The following SLC39A11 variants were observed in gnomAD, a reference collection of about 807,000 sequenced individuals.
The protein encoded by SLC39A11 is zinc transporter ZIP11.
Under a neutral mutation model 36.1 loss-of-function variants are expected in SLC39A11, and 33 were observed. The observed-to-expected ratio is 0.91, with a 90% CI of 0.69 to 1.22. The LOEUF (loss-of-function observed/expected upper bound fraction) is 1.22. Ranked by LOEUF, SLC39A11 falls within the 50% of genes most tolerant of loss-of-function variation. SLC39A11 has a pLI of 0.00. For synonymous variants in SLC39A11, 166 were observed against 170.3 expected, an observed-to-expected ratio of 0.97 and a Z score of 0.20; for missense variants, 432 against 430.3, an observed-to-expected ratio of 1.00 and a Z score of -0.03.
intron 5 of SLC39A11, among the ~76,000 whole-genome samples, chr17:72,917,832 C>A (rs147524204): frequency 0.011 from 1,662 of 152,346 alleles, 28 homozygotes; most frequent in African/African-American, 0.034. Context: ...AGAAGACATT[C>A]TTGAGCTGAT....
chr17:73,046,364 C>T (rs745588131), intron 3 of SLC39A11, among the ~76,000 whole-genome samples: 1 of 152,068 alleles, frequency 6.6e-6, no homozygotes, highest in Non-Finnish European at 1.5e-5. Flanking sequence ...GTCTCCCATG[C>T]GTATGGTGGC....
chr17:72,991,180 T>C (rs892561799), intron 4 of SLC39A11, among the ~76,000 whole-genome samples: 3 of 152,188 alleles, frequency 2.0e-5, no homozygotes, highest in Non-Finnish European at 4.4e-5. Flanking sequence ...GTACTCAATA[T>C]CTGAAAAATT....
At chr17:73,016,064 T>C (rs1242931672) in intron 4 of SLC39A11, among the ~76,000 whole-genome samples, 2 of 152,208 alleles carry the variant, frequency 1.3e-5, no homozygotes, top group African/African-American at 4.8e-5. Context: ...TGTAACTTCT[T>C]CAGGTCTCAG....
chr17:72,716,455 G>A (rs9899648), intron 7 of SLC39A11, among the ~76,000 whole-genome samples: 13,552 of 151,666 alleles, frequency 0.089, 805 homozygotes, highest in African/African-American at 0.17. Context: ...GCTCCAATAC[G>A]GGGGACAGCC....
At chr17:73,037,407 T>C (rs1471061270) in intron 3 of SLC39A11, among the ~76,000 whole-genome samples, 3 of 152,216 alleles carry the variant, frequency 2.0e-5, no homozygotes, top group African/African-American at 7.2e-5. Context: ...GGTGCAGGAA[T>C]AGAAAGCAGG....
At chr17:72,650,017 G>T (rs1319814625) in intron 7 of SLC39A11, among the ~76,000 whole-genome samples, 1 of 152,186 alleles carries the variant, frequency 6.6e-6, no homozygotes, top group East Asian at 1.9e-4. Flanking sequence ...ATGCATTTTG[G>T]TTTCTATTCT....
At chr17:73,061,916 A>G (rs1238541503) in intron 3 of SLC39A11, among the ~76,000 whole-genome samples, 1 of 152,044 alleles carries the variant, frequency 6.6e-6, no homozygotes, top group Non-Finnish European at 1.5e-5. Flanking sequence ...GGATCACTTG[A>G]GACCAAGAGG....
intron 3 of SLC39A11, among the ~76,000 whole-genome samples, chr17:73,048,962 T>C (rs1234817016): frequency 6.6e-6 from 1 of 152,142 alleles, no homozygotes; most frequent in African/African-American, 2.4e-5. Context: ...CGTGACCAGA[T>C]GGATACACAC....
chr17:72,655,620 G>A (rs1013116445), intron 7 of SLC39A11, among the ~76,000 whole-genome samples: 5 of 152,162 alleles, frequency 3.3e-5, no homozygotes, highest in African/African-American at 9.7e-5. Context: ...CCTGCTATTC[G>A]AATTCCCAAC....
intron 4 of SLC39A11, among the ~76,000 whole-genome samples, chr17:72,969,562 G>A (rs552388539): frequency 6.6e-6 from 1 of 151,412 alleles, no homozygotes; most frequent in Non-Finnish European, 1.5e-5. Flanking sequence ...CTCCTCTCTC[G>A]CATCCTCTTC....
intron 4 of SLC39A11, among the ~76,000 whole-genome samples, chr17:73,013,319 C>CTCA (rs2090625922): frequency 6.6e-6 from 1 of 152,028 alleles, no homozygotes; most frequent in Non-Finnish European, 1.5e-5. Context: ...AACTCCTGAC[C>CTCA]TCCGGCGATC....
rs541115967 is a variant in SLC39A11 at position 72,986,618 on chromosome 17, T to C, written c.307-38743A>G. 2.8e-4 allele frequency among the ~76,000 whole-genome samples: 42 copies of C among 152,294 alleles called. No individual in the cohort carries two copies. The South Asian group carries it at 8.1e-3, about 29-fold the overall frequency. Reference sequence around the variant, plus strand: ...CCACCTTGACAGCTTGGGAGACACATACAGTCTTGGGCCCCAACCCAGACC... The same window carrying C: ...CCACCTTGACAGCTTGGGAGACACACACAGTCTTGGGCCCCAACCCAGACC... On this transcript the variant is annotated intron_variant, in intron 4 of 9. Coordinates refer to ENST00000255559, the MANE Select transcript of SLC39A11 (RefSeq NM_139177.4).
intron 6 of SLC39A11, among the ~76,000 whole-genome samples, chr17:72,806,862 C>T (rs1373451234): frequency 2.0e-5 from 3 of 152,290 alleles, no homozygotes; most frequent in South Asian, 4.1e-4. Context: ...GGATTACAGG[C>T]GTGAGCCACC....
chr17:72,657,188 C>A (rs980570096), intron 7 of SLC39A11, among the ~76,000 whole-genome samples: 1 of 151,832 alleles, frequency 6.6e-6, no homozygotes, highest in Non-Finnish European at 1.5e-5. Context: ...GGTGAAACTC[C>A]GTCTTTACTA....
chr17:73,022,608 A>G (rs2058390215), intron 4 of SLC39A11, among the ~76,000 whole-genome samples: 1 of 150,300 alleles, frequency 6.7e-6, no homozygotes, highest in African/African-American at 2.4e-5. Flanking sequence ...AAAAAAAAAA[A>G]AAAAAAAAAA....
intron 6 of SLC39A11, among the ~76,000 whole-genome samples, chr17:72,776,766 T>C (rs1255618295): frequency 2.0e-5 from 3 of 152,056 alleles, no homozygotes; most frequent in Non-Finnish European, 4.4e-5. Flanking sequence ...ATTCCAAGGA[T>C]CTTATCCACT....
chr17:72,676,628 G>C (rs1251250938), intron 7 of SLC39A11, among the ~76,000 whole-genome samples: 1 of 152,008 alleles, frequency 6.6e-6, no homozygotes, highest in Non-Finnish European at 1.5e-5. Context: ...GGCAGTTCCT[G>C]GGAACTTGAA....
At chr17:72,732,507 C>A (rs532375380) in intron 7 of SLC39A11, among the ~76,000 whole-genome samples, 22 of 152,288 alleles carry the variant, frequency 1.4e-4, no homozygotes, top group African/African-American at 5.1e-4. Flanking sequence ...TTGGGACCAT[C>A]TTGGCAGTTT....
At chr17:73,085,550 G>C (rs1374262909) in intron 2 of SLC39A11, among the ~76,000 whole-genome samples, 1 of 150,110 alleles carries the variant, frequency 6.7e-6, no homozygotes, top group Non-Finnish European at 1.5e-5. Context: ...GCTGAGACAG[G>C]AGAATCCCTT....
Sources: allele counts gnomAD v4.1 joint callset (sites outside exome capture counted in the v4.1 genomes callset), GRCh38; gene constraint gnomAD v4.1.1; transcripts MANE v1.5; gene names NCBI Gene and HGNC (gene_info 2026-07-23, HGNC 2026-07-21).